Variants in GPA33 observed in about 807,000 individuals in gnomAD.
GPA33 encodes the protein glycoprotein A33.
Under a neutral mutation model 35.6 loss-of-function variants are expected in GPA33, and 27 were observed. That is an observed-to-expected ratio of 0.76 (90% CI 0.56 to 1.04). GPA33 has a LOEUF of 1.04. Ranked by LOEUF, GPA33 falls within the 50% of genes least tolerant of loss-of-function variation. GPA33 has a pLI of 0.00. For synonymous variants in GPA33, 176 were observed against 164.0 expected, an observed-to-expected ratio of 1.07 and a Z score of -0.56; for missense variants, 428 against 411.9, an observed-to-expected ratio of 1.04 and a Z score of -0.34.
intron 3 of GPA33, among the ~76,000 whole-genome samples, chr1:167,064,849 G>A (rs56238115): frequency 5.3e-5 from 8 of 152,088 alleles, no homozygotes; most frequent in Admixed American, 6.6e-5. Flanking sequence ...GATGATGGGC[G>A]GACCCACAGG....
At chr1:167,062,301 G>C (rs1443809854) in intron 4 of GPA33, among the ~76,000 whole-genome samples, 1 of 151,526 alleles carries the variant, frequency 6.6e-6, no homozygotes, top group Non-Finnish European at 1.5e-5. Flanking sequence ...CTGCAGCCTC[G>C]ACCTCCAGAG....
At chr1:167,086,301 T>A (rs976300827) in intron 1 of GPA33, among the ~76,000 whole-genome samples, 4 of 152,236 alleles carry the variant, frequency 2.6e-5, no homozygotes, top group African/African-American at 9.6e-5. Flanking sequence ...ACAGAGCAGA[T>A]GGTGGGCGGG....
chr1:167,066,307 G>A (rs190296788), intron 3 of GPA33, among the ~76,000 whole-genome samples: 8 of 152,182 alleles, frequency 5.3e-5, no homozygotes, highest in African/African-American at 1.2e-4. Context: ...AAAGGCATCC[G>A]AATGCATCCA....
intron 1 of GPA33, among the ~76,000 whole-genome samples, chr1:167,080,403 C>T (rs562840646): frequency 3.6e-4 from 55 of 152,270 alleles, no homozygotes; most frequent in African/African-American, 1.0e-3. Flanking sequence ...AAAGAAGATG[C>T]CCCAACCTTC....
At chr1:167,062,047 GC>G (rs1666464148) in intron 4 of GPA33, among the ~76,000 whole-genome samples, 1 of 152,004 alleles carries the variant, frequency 6.6e-6, no homozygotes, top group African/African-American at 2.4e-5. Context: ...AGAGCTGTGT[GC>G]CCTGCTGGCT....
chr1:167,063,463 G>A, intron 4 of GPA33, 119 bp downstream of exon 4: 1 of 803,070 alleles, frequency 1.2e-6, no homozygotes, highest in Non-Finnish European at 2.0e-6. Flanking sequence ...GGGATGGGTA[G>A]GGAAGCAAGC....
In GPA33 at chr1:167,069,090, C is replaced by T. The variant is rs781200944; in HGVS notation, c.247G>A (p.Glu83Lys). The T allele has an allele frequency of 6.2e-7, 1 of 1,614,054 alleles. No homozygotes were observed. Among genetic ancestry groups the T allele is most frequent in the Non-Finnish European group, 8.5e-7 (1 of 1,179,960 alleles). Residue 83 changes from glutamate (E) to lysine (K), a missense_variant, in exon 3 of 7, where the codon GAG (glutamate) becomes AAG (lysine). Glu to Lys is a moderately conservative substitution (Grantham distance 56). Transcript: ENST00000367868. ...ATGCTGACGCGATTCTTATAAAGCTCACCATGGATGTAGTTTTTGTTTGAA... is the reference window on the plus strand; with the variant it reads ...ATGCTGACGCGATTCTTATAAAGCTTACCATGGATGTAGTTTTTGTTTGAA... ...PFSNKNYIHG[E>K]LYKNRVSISN... is the part of the protein sequence containing the mutation.
intron 1 of GPA33, among the ~76,000 whole-genome samples, chr1:167,077,502 T>C (rs1666846754): frequency 6.6e-6 from 1 of 152,268 alleles, no homozygotes; most frequent in East Asian, 1.9e-4. Flanking sequence ...TCTGTTCTTG[T>C]CTATCACCCT....
In GPA33 at chr1:167,053,947, G is replaced by A. The variant is rs1236295649; in HGVS notation, c.*387C>T. ...CAGGTGCTGGGCACACAGGTGAGCA[G>A]GACAGCCCCCACCCCCCAAGGCTGG... On this transcript the variant is annotated 3_prime_UTR_variant, in exon 7 of 7. Coordinates refer to ENST00000367868, the MANE Select transcript of GPA33 (RefSeq NM_005814.3). 1.3e-5 allele frequency: 3 copies of A among 229,992 alleles called. No individual in the cohort carries two copies. In the Admixed American group the frequency reaches 1.6e-4, roughly 12 times the overall value. The allele number at this position is 229,992 out of a possible 1,614,324, so 14.2% of individuals were successfully genotyped here. A position where few individuals can be genotyped will look rare whatever the true frequency, so the allele number is the denominator to read the frequency against.
At chr1:167,068,759 A>C (rs1247568801) in intron 3 of GPA33, among the ~76,000 whole-genome samples, 163 bp downstream of exon 3, 1 of 152,188 alleles carries the variant, frequency 6.6e-6, no homozygotes, top group African/African-American at 2.4e-5. Flanking sequence ...GTTTAGTTCC[A>C]AAGGGAGGAG....
At chr1:167,073,972 G>A (rs1314941289) in intron 1 of GPA33, among the ~76,000 whole-genome samples, 1 of 151,914 alleles carries the variant, frequency 6.6e-6, no homozygotes, top group Non-Finnish European at 1.5e-5. Context: ...CCATCGTTTT[G>A]GTTGTGATGA....
intron 6 of GPA33, 125 bp downstream of exon 6, chr1:167,054,851 A>T: frequency 9.1e-7 from 1 of 1,099,058 alleles, no homozygotes. Flanking sequence ...TCATTGTTTC[A>T]TCAGCACAAA....
intron 1 of GPA33, among the ~76,000 whole-genome samples, chr1:167,085,503 T>C (rs1667029605): frequency 6.6e-6 from 1 of 152,188 alleles, no homozygotes; most frequent in Non-Finnish European, 1.5e-5. Context: ...AAAGGCAAGA[T>C]GAGGATCACA....
chr1:167,056,414 T>C (rs898175550), intron 4 of GPA33, among the ~76,000 whole-genome samples: 8 of 151,660 alleles, frequency 5.3e-5, no homozygotes, highest in African/African-American at 1.9e-4. Flanking sequence ...GAGAGGTGTG[T>C]GGGGTGTATG....
At chr1:167,081,610 G>T (rs529149074) in intron 1 of GPA33, among the ~76,000 whole-genome samples, 9 of 152,290 alleles carry the variant, frequency 5.9e-5, no homozygotes, top group African/African-American at 1.2e-4. Context: ...TTAGTGCAAG[G>T]CACCAGAAAA....
rs572630680 is a variant in GPA33 at position 167,055,520 on chromosome 1, A to G, written c.691+210T>C. The stretch of plus-strand genomic sequence containing the variant: ...GTCCTAGAAGTCAGTCCTAGGTTCC[A>G]CTTCCAAACACCAGTGGAACTGGAC... On this transcript the variant is annotated intron_variant, in intron 5 of 6. Coordinates refer to ENST00000367868, the MANE Select transcript of GPA33 (RefSeq NM_005814.3). Among the ~76,000 whole-genome samples, 61 of 152,186 alleles carry G rather than the reference A, an allele frequency of 4.0e-4. 1 individual carries two copies. Among genetic ancestry groups the G allele is most frequent in the African/African-American group, 1.4e-3 (57 of 41,518 alleles).
At chr1:167,068,478 C>T (rs568788376) in intron 3 of GPA33, among the ~76,000 whole-genome samples, 2 of 152,254 alleles carry the variant, frequency 1.3e-5, no homozygotes, top group East Asian at 3.9e-4. Context: ...TGGGGGTGAG[C>T]AGATGGTGGC....
intron 1 of GPA33, among the ~76,000 whole-genome samples, chr1:167,084,083 G>A (rs772609168): frequency 6.6e-6 from 1 of 152,138 alleles, no homozygotes; most frequent in African/African-American, 2.4e-5. Context: ...GCTGGGCCTG[G>A]CGCTTATCGG....
Position 167,069,058 on chromosome 1 carries a change from G to A in GPA33, c.279C>T (p.Asn93=), listed in dbSNP as rs142523920. The A allele has an allele frequency of 5.6e-6, 9 of 1,613,338 alleles. No individual in the cohort carries two copies. The African/African-American group carries it at 9.3e-5, about 17-fold the overall frequency. The change falls in exon 3 of 7, where the codon AAC becomes AAT. Residue 93 remains asparagine (N), a synonymous_variant. Transcript: ENST00000367868. The part of the protein sequence containing the change: ...ELYKNRVSIS[N]NAEQSDASIT... The stretch of plus-strand genomic sequence containing the variant: ...TGGAGGCATCGGACTGCTCAGCATT[G>A]TTGGATATGCTGACGCGATTCTTAT...
Sources: gnomAD v4.1 joint callset for allele counts (sites outside exome capture counted in the v4.1 genomes callset) on GRCh38, gnomAD v4.1.1 for gene constraint, MANE v1.5 for transcripts, NCBI Gene and HGNC (gene_info 2026-07-23, HGNC 2026-07-21) for gene names.